PTPRK: variants seen among roughly 807,000 people sequenced by gnomAD.
PTPRK encodes the protein receptor-type tyrosine-protein phosphatase kappa.
Under a neutral mutation model 178.0 loss-of-function variants are expected in PTPRK, and 75 were observed. The observed-to-expected ratio is 0.42, with a 90% CI of 0.35 to 0.51. The LOEUF (loss-of-function observed/expected upper bound fraction) is 0.51, where lower values mean the gene tolerates loss of function less well. Ranked by LOEUF, PTPRK falls within the 20% of genes least tolerant of loss-of-function variation. The pLI is 0.02. For synonymous variants in PTPRK, 637 were observed against 620.6 expected (o/e 1.03, Z -0.39); for missense variants, 1,441 against 1,797.8 (o/e 0.80, Z 3.59).
chr6:128,364,435 T>C (rs1318193911), intron 2 of PTPRK, among the ~76,000 whole-genome samples: 1 of 152,092 alleles, frequency 6.6e-6, no homozygotes, highest in African/African-American at 2.4e-5. Context: ...ACTTTTTACA[T>C]ATAAAAACAT....
chr6:128,057,621 T>C (rs1780122014), intron 13 of PTPRK, among the ~76,000 whole-genome samples: 1 of 152,198 alleles, frequency 6.6e-6, no homozygotes, highest in Non-Finnish European at 1.5e-5. Context: ...TGTGATTCCA[T>C]AGGAAGAGGC....
At chr6:127,972,133 G>A (rs1773992709) in intron 29 of PTPRK, among the ~76,000 whole-genome samples, 1 of 152,166 alleles carries the variant, frequency 6.6e-6, no homozygotes, top group Non-Finnish European at 1.5e-5. Flanking sequence ...TTTGTCTCAG[G>A]AAGCAACGCA....
chr6:128,156,019 G>C (rs573085171), intron 7 of PTPRK, among the ~76,000 whole-genome samples: 1 of 151,852 alleles, frequency 6.6e-6, no homozygotes, highest in Non-Finnish European at 1.5e-5. Context: ...TTTAAGAAAC[G>C]TAAGTTCTGT....
At chr6:128,424,903 C>T (rs1348340109) in intron 1 of PTPRK, among the ~76,000 whole-genome samples, 3 of 152,074 alleles carry the variant, frequency 2.0e-5, no homozygotes, top group Non-Finnish European at 4.4e-5. Context: ...ATACAACTAA[C>T]ATCAAAGAAC....
intron 3 of PTPRK, among the ~76,000 whole-genome samples, chr6:128,308,833 C>T (rs1479590134): frequency 2.0e-5 from 3 of 152,180 alleles, no homozygotes; most frequent in East Asian, 3.8e-4. Flanking sequence ...GTTTCATAAA[C>T]TTTCGCCAAG....
chr6:128,483,577 G>A (rs1162321234), intron 1 of PTPRK, among the ~76,000 whole-genome samples: 1 of 151,954 alleles, frequency 6.6e-6, no homozygotes, highest in African/African-American at 2.4e-5. Flanking sequence ...AACAAGGGAA[G>A]GTCCAAAACA....
Position 128,240,044 on chromosome 6 carries a change from T to C in PTPRK, c.684A>G (p.Leu228=). Residue 228 remains leucine (L), a synonymous_variant, in exon 5 of 30, where the codon TTA becomes TTG. Transcript: ENST00000368226. ...GCCAACTTGGCCTTACCTGGAGCCA[T>C]AACTTGTTATGCACAGCATCTCTCC... ...ATGRDAVHNK[L]WLQRRNGEDI... is the part of the protein sequence containing the mutation. The C allele has an allele frequency of 1.9e-6, 3 of 1,613,732 alleles. No homozygotes were observed. The highest frequency in any genetic ancestry group is 2.5e-6 in the Non-Finnish European group (3 of 1,179,770).
intron 2 of PTPRK, among the ~76,000 whole-genome samples, chr6:128,374,541 C>T (rs1007521337): frequency 6.6e-6 from 1 of 152,132 alleles, no homozygotes; most frequent in African/African-American, 2.4e-5. Flanking sequence ...AAACAATATT[C>T]ACTCATCCAT....
chr6:128,028,363 A>G (rs185244621), intron 13 of PTPRK, among the ~76,000 whole-genome samples: 1 of 152,358 alleles, frequency 6.6e-6, no homozygotes, highest in African/African-American at 2.4e-5. Context: ...TTAAAGTGGA[A>G]GAGAAAGTGC....
intron 1 of PTPRK, among the ~76,000 whole-genome samples, chr6:128,491,448 GT>G (rs1853756934): frequency 1.3e-5 from 2 of 152,220 alleles, no homozygotes; most frequent in Non-Finnish European, 2.9e-5. Context: ...GGCTTTTTGT[GT>G]CTCAGGATTA....
intron 1 of PTPRK, among the ~76,000 whole-genome samples, chr6:128,434,077 G>A (rs988868332): frequency 5.9e-5 from 9 of 151,526 alleles, no homozygotes; most frequent in African/African-American, 2.2e-4. Flanking sequence ...AACCCATCTT[G>A]ATTCCATTTA....
At chr6:128,098,941 A>G (rs1465200331) in intron 7 of PTPRK, among the ~76,000 whole-genome samples, 3 of 151,770 alleles carry the variant, frequency 2.0e-5, no homozygotes, top group African/African-American at 7.3e-5. Flanking sequence ...TCTTCACTAC[A>G]CTCCCACAGA....
At chr6:128,393,512 A>T (rs1056889192) in intron 2 of PTPRK, among the ~76,000 whole-genome samples, 3 of 152,204 alleles carry the variant, frequency 2.0e-5, no homozygotes, top group African/African-American at 7.2e-5. Context: ...GATAGAAGAA[A>T]CAGAGTTTCA....
chr6:128,292,703 G>A (rs1156916967), intron 3 of PTPRK, among the ~76,000 whole-genome samples: 1 of 151,962 alleles, frequency 6.6e-6, no homozygotes, highest in Non-Finnish European at 1.5e-5. Context: ...TTCTTTGCCA[G>A]TCTCAGGTAA....
chr6:128,507,530 G>A (rs1279218058), intron 1 of PTPRK, among the ~76,000 whole-genome samples: 1 of 152,072 alleles, frequency 6.6e-6, no homozygotes, highest in Non-Finnish European at 1.5e-5. Flanking sequence ...ATTAGGTGAT[G>A]GTCACAGCCC....
At chr6:128,116,603 A>G (rs1259848561) in intron 7 of PTPRK, among the ~76,000 whole-genome samples, 1 of 152,234 alleles carries the variant, frequency 6.6e-6, no homozygotes, top group Non-Finnish European at 1.5e-5. Context: ...AAGGAAATCC[A>G]CATCCCTATA....
chr6:128,364,501 CATGA>C (rs1245165414), intron 2 of PTPRK, among the ~76,000 whole-genome samples: 1 of 151,990 alleles, frequency 6.6e-6, no homozygotes, highest in Admixed American at 6.6e-5. Context: ...AGTTTATTGT[CATGA>C]ATATCTCCCA....
intron 6 of PTPRK, among the ~76,000 whole-genome samples, chr6:128,187,243 C>T (rs1288830376): frequency 1.3e-5 from 2 of 151,790 alleles, no homozygotes; most frequent in Non-Finnish European, 2.9e-5. Context: ...GAAAAAATAG[C>T]CATACCGCAA....
intron 13 of PTPRK, among the ~76,000 whole-genome samples, chr6:128,030,047 A>T (rs1481841809): frequency 6.6e-6 from 1 of 152,192 alleles, no homozygotes; most frequent in Non-Finnish European, 1.5e-5. Context: ...GCACTAGAGC[A>T]TGAATTGCCC....
Sources: allele counts gnomAD v4.1 joint callset (sites outside exome capture counted in the v4.1 genomes callset), GRCh38; gene constraint gnomAD v4.1.1; transcripts MANE v1.5; gene names NCBI Gene and HGNC (gene_info 2026-07-23, HGNC 2026-07-21).